The following ABCB5 variants were observed in gnomAD, a reference collection of about 807,000 sequenced individuals.
The protein encoded by ABCB5 is ATP-binding cassette sub-family B member 5.
A neutral mutation model predicts 144.2 loss-of-function variants in ABCB5; 155 were observed. That is an observed-to-expected ratio of 1.08 (90% CI 0.94 to 1.23). The LOEUF (loss-of-function observed/expected upper bound fraction) is 1.23. Among genes scored for constraint, ABCB5 ranks in the 50% most tolerant of loss-of-function variants. ABCB5 has a pLI of 0.00. For synonymous variants in ABCB5, 610 were observed against 528.6 expected (o/e 1.15, Z -2.11); for missense variants, 1,830 against 1,520.8 (o/e 1.20, Z -3.38).
At chr7:20,674,551 A>T (rs2128036831) in intron 14 of ABCB5, among the ~76,000 whole-genome samples, 1 of 152,004 alleles carries the variant, frequency 6.6e-6, no homozygotes, top group East Asian at 1.9e-4. Context: ...GACTGTCACA[A>T]ATATAAGGTT....
chr7:20,655,447 T>A (rs1784753231), intron 13 of ABCB5, among the ~76,000 whole-genome samples: 1 of 151,804 alleles, frequency 6.6e-6, no homozygotes, highest in African/African-American at 2.4e-5. Flanking sequence ...CACTCCAGCC[T>A]GGGCAACAGA....
chr7:20,718,675 G>A (rs1163437245), intron 20 of ABCB5, among the ~76,000 whole-genome samples: 2 of 152,064 alleles, frequency 1.3e-5, no homozygotes, highest in East Asian at 3.9e-4. Context: ...TTATAGTTTG[G>A]TGAAAATTGA....
Position 20,685,717 on chromosome 7 carries a change from C to T in ABCB5, c.1891C>T (p.Gln631Ter), listed in dbSNP as rs772315266. The change falls in exon 16 of 28, where the codon CAG becomes TAG. Residue 631 changes from glutamine (Q) to a stop codon, truncating the protein, a stop_gained. Coordinates refer to ENST00000404938, the MANE Select transcript of ABCB5 (RefSeq NM_001163941.2). LOFTEE classifies it high-confidence loss of function. ...TAAGGATATTAAAAAAGCTGATGAA[C>T]AGATGGAGTCAATGACATATTCTAC... ...MSQDIKKADE[Q>*]MESMTYSTER... 1 of 1,610,070 alleles carries T rather than the reference C, an allele frequency of 6.2e-7. No homozygotes were observed. Among genetic ancestry groups the T allele is most frequent in the Non-Finnish European group, 8.5e-7 (1 of 1,177,912 alleles).
rs1448639883 is a variant in ABCB5, at chr7:20,745,242, G to C, written c.3233G>C (p.Gly1078Ala). The change falls in exon 26 of 28, where the codon GGT (glycine) becomes GCT (alanine). Residue 1078 changes from glycine (G) to alanine (A), a missense_variant. Gly to Ala is a moderately conservative substitution (Grantham distance 60, BLOSUM62 0). Coordinates refer to ENST00000404938, the MANE Select transcript of ABCB5 (RefSeq NM_001163941.2). ...ATCTGCTTTTGGCAGCTGTTTGATGGTGTGGATGCAAAAGAATTGAATGTA... is the reference window on the plus strand; with the variant it reads ...ATCTGCTTTTGGCAGCTGTTTGATGCTGTGGATGCAAAAGAATTGAATGTA... The part of the protein sequence containing the change: ...DPVQGQVLFD[G>A]VDAKELNVQW... 2 of 1,613,920 alleles carry C rather than the reference G, an allele frequency of 1.2e-6. No homozygotes were observed. The highest frequency in any genetic ancestry group is 8.5e-7 in the Non-Finnish European group (1 of 1,179,862).
At chr7:20,665,832 G>A (rs1265289439) in intron 14 of ABCB5, among the ~76,000 whole-genome samples, 2 of 149,180 alleles carry the variant, frequency 1.3e-5, no homozygotes, top group African/African-American at 5.0e-5. Flanking sequence ...CAAGCTTCCA[G>A]ATGAGCTTCT....
At position 20,672,351 on chromosome 7, in the gene ABCB5, C is replaced by T. The variant is rs1186089137; in HGVS notation, c.1708-9154C>T. On this transcript the variant is annotated intron_variant, in intron 14 of 27. Transcript: ENST00000404938. The stretch of plus-strand genomic sequence containing the variant: ...AGTTTTTTTTTTTTCTTTTACAAAT[C>T]AAGGTTTTGGTGTCATATTTAAGAA... Among the ~76,000 whole-genome samples the T allele has an allele frequency of 2.0e-5, 3 of 149,842 alleles. No individual in the cohort carries two copies. In the East Asian group the frequency reaches 5.8e-4, roughly 29 times the overall value.
rs548933985 is a variant in ABCB5, at chr7:20,643,325, C to A, written c.456C>A (p.Ile152=). The A allele has an allele frequency of 6.2e-7, 1 of 1,613,916 alleles. No homozygotes were observed. Among genetic ancestry groups the A allele is most frequent in the African/African-American group, 1.3e-5 (1 of 75,032 alleles). The part of the protein sequence containing the change: ...QFFHSVLAQD[I]GWFDSCDIGE... Reference sequence around the variant, plus strand: ...TTCATTCAGTTTTGGCACAGGACATCGGCTGGTTTGATAGCTGTGACATCG... The same window carrying A: ...TTCATTCAGTTTTGGCACAGGACATAGGCTGGTTTGATAGCTGTGACATCG... The change falls in exon 6 of 28, where the codon ATC becomes ATA. Residue 152 remains isoleucine, a synonymous_variant. Coordinates refer to ENST00000404938, the MANE Select transcript of ABCB5 (RefSeq NM_001163941.2).
chr7:20,648,388 C>A (rs1410086350), intron 11 of ABCB5, among the ~76,000 whole-genome samples: 1 of 152,170 alleles, frequency 6.6e-6, no homozygotes, highest in African/African-American at 2.4e-5. Flanking sequence ...CTAGATGCTA[C>A]CCCACTCAAC....
At chr7:20,749,888 A>C (rs1294283627) in intron 26 of ABCB5, among the ~76,000 whole-genome samples, 2 of 152,198 alleles carry the variant, frequency 1.3e-5, no homozygotes, top group Admixed American at 6.5e-5. Context: ...CTGAGCAAAA[A>C]CATGGAGACA....
chr7:20,685,444 A>T (rs1436991817), intron 15 of ABCB5, among the ~76,000 whole-genome samples: 6 of 152,188 alleles, frequency 3.9e-5, no homozygotes, highest in African/African-American at 1.4e-4. Context: ...GGATTAAGGC[A>T]TTGTTTTCTG....
intron 27 of ABCB5, 45 bp downstream of exon 27, chr7:20,753,551 G>A (rs1437371227): frequency 5.1e-6 from 8 of 1,572,960 alleles, no homozygotes; most frequent in Non-Finnish European, 6.9e-6. Flanking sequence ...CCAAATATAA[G>A]CATCCAATAA....
chr7:20,745,156 T>C lies in ABCB5; in HGVS notation c.3223-76T>C, dbSNP rs1258583238. On this transcript the variant is annotated intron_variant, in intron 25 of 27. Coordinates refer to ENST00000404938, the MANE Select transcript of ABCB5 (RefSeq NM_001163941.2). ...TATCCTTCTTGTTATGATTTGTGTG[T>C]GTTTGAATACAGTGAACTGTAACAT... is the stretch of plus-strand genomic sequence containing the variant. 36 of 1,385,980 alleles carry C rather than the reference T, an allele frequency of 2.6e-5. No homozygotes were observed. In the South Asian group the frequency reaches 4.1e-4, roughly 16 times the overall value. The allele number at this position is 1,385,980 out of a possible 1,614,324, so 85.9% of individuals were successfully genotyped here.
At chr7:20,704,948 A>G in intron 20 of ABCB5, 141 bp downstream of exon 20, 1 of 519,758 alleles carries the variant, frequency 1.9e-6, no homozygotes, top group African/African-American at 2.0e-5. Context: ...CACGGTTAAC[A>G]GGTAACTCTC....
In ABCB5 at chr7:20,622,460, G is replaced by T. The variant is rs186571193; in HGVS notation, c.-21-805G>T. Among the ~76,000 whole-genome samples, 45 of 152,152 alleles carry T rather than the reference G, an allele frequency of 3.0e-4. No individual in the cohort carries two copies. In the East Asian group the frequency reaches 8.7e-3, roughly 29 times the overall value. On this transcript the variant is annotated intron_variant, in intron 1 of 27. Transcript: ENST00000404938. ...AGTTCTGATCCACTTTCAATGAGAA[G>T]TTTACTATTTGAAAGCTTATTAGCT...
chr7:20,637,582 G>A (rs1784191475), intron 5 of ABCB5, among the ~76,000 whole-genome samples: 1 of 151,892 alleles, frequency 6.6e-6, no homozygotes, highest in Non-Finnish European at 1.5e-5. Context: ...CTCCATGCCT[G>A]GCTAATTTTG....
At chr7:20,724,957 GT>G (rs1248456906) in intron 21 of ABCB5, among the ~76,000 whole-genome samples, 1 of 152,072 alleles carries the variant, frequency 6.6e-6, no homozygotes, top group Non-Finnish European at 1.5e-5. Context: ...GTAAACAGTT[GT>G]TTAGACCTCC....
At chr7:20,697,019 T>A (rs541526497) in intron 16 of ABCB5, among the ~76,000 whole-genome samples, 1 of 152,292 alleles carries the variant, frequency 6.6e-6, no homozygotes, top group Non-Finnish European at 1.5e-5. Context: ...AATAAGGTAA[T>A]TTTGTAATGC....
rs1190763941 is a variant in ABCB5, at chr7:20,745,285, A to G, written c.3276A>G (p.Gln1092=). The change falls in exon 26 of 28, where the codon CAA becomes CAG. Residue 1092 remains glutamine (Q), a synonymous_variant. Transcript: ENST00000404938. ...TGAATGTACAGTGGCTCCGTTCCCA[A>G]ATAGCAATCGTTCCTCAAGAGCCTG... ...KELNVQWLRS[Q]IAIVPQEPVL... The G allele has an allele frequency of 1.2e-6, 2 of 1,613,930 alleles. No homozygotes were observed. The highest frequency in any genetic ancestry group is 1.1e-5 in the South Asian group (1 of 91,082).
At chr7:20,705,681 G>T (rs1017387402) in intron 20 of ABCB5, among the ~76,000 whole-genome samples, 1 of 152,120 alleles carries the variant, frequency 6.6e-6, no homozygotes, top group Non-Finnish European at 1.5e-5. Flanking sequence ...TTCTGTTTAG[G>T]AATACTGAGA....
Sources: allele counts gnomAD v4.1 joint callset (sites outside exome capture counted in the v4.1 genomes callset), GRCh38; gene constraint gnomAD v4.1.1; transcripts MANE v1.5; gene names NCBI Gene and HGNC (gene_info 2026-07-23, HGNC 2026-07-21).